The following DOCK1 variants were observed in gnomAD, a reference collection of about 807,000 sequenced individuals.
DOCK1 encodes the protein dedicator of cytokinesis protein 1.
Under a neutral mutation model 262.7 loss-of-function variants are expected in DOCK1, and 138 were observed. The ratio of observed to expected loss-of-function variants is 0.53; its 90% CI spans 0.46 to 0.61. The LOEUF is 0.61. Among genes scored for constraint, DOCK1 ranks in the 20% least tolerant of loss-of-function variants. The pLI is 0.00. For synonymous variants in DOCK1, 866 were observed against 867.4 expected (o/e 1.00, Z 0.03); for missense variants, 1,908 against 2,370.7 (o/e 0.80, Z 4.05).
chr10:126,920,400 A>T (rs1423005874), intron 1 of DOCK1, among the ~76,000 whole-genome samples: 2 of 152,176 alleles, frequency 1.3e-5, no homozygotes, highest in Non-Finnish European at 2.9e-5. Flanking sequence ...TTTTGAAGGG[A>T]GATTGTGCTT....
intron 25 of DOCK1, among the ~76,000 whole-genome samples, chr10:127,118,209 T>G (rs1053581763): frequency 1.3e-5 from 2 of 152,164 alleles, no homozygotes; most frequent in Admixed American, 1.3e-4. Context: ...GACAGCCCTG[T>G]AAATTCTTTC....
At chr10:126,975,798 A>G (rs934323323) in intron 2 of DOCK1, among the ~76,000 whole-genome samples, 1 of 134,794 alleles carries the variant, frequency 7.4e-6, no homozygotes, top group Non-Finnish European at 1.6e-5. Context: ...TTTTTTTTTT[A>G]GTAGAGACGG....
chr10:127,288,564 A>G (rs557253282), intron 29 of DOCK1, among the ~76,000 whole-genome samples: 2 of 152,116 alleles, frequency 1.3e-5, no homozygotes, highest in South Asian at 4.2e-4. Flanking sequence ...AATTCATACT[A>G]TATTTGCATT....
chr10:126,990,714 A>C (rs2039729403), intron 6 of DOCK1, 111 bp downstream of exon 6: 1 of 1,279,664 alleles, frequency 7.8e-7, no homozygotes, highest in South Asian at 1.6e-5. Context: ...AATTTCTACC[A>C]TCAAAGTAAT....
At chr10:126,960,743 T>TATATATATATATAC (rs2037132748) in intron 1 of DOCK1, among the ~76,000 whole-genome samples, 1 of 127,538 alleles carries the variant, frequency 7.8e-6, no homozygotes, top group African/African-American at 3.1e-5. Context: ...TATATATATA[T>TATATATATATATAC]ATACACACAC....
chr10:127,037,411 G>A (rs1364474664), intron 18 of DOCK1, among the ~76,000 whole-genome samples: 1 of 152,218 alleles, frequency 6.6e-6, no homozygotes, highest in South Asian at 2.1e-4. Flanking sequence ...CAGGCCTTGT[G>A]GTGCTCTGAA....
chr10:127,429,996 C>T (rs2069172306), intron 47 of DOCK1, among the ~76,000 whole-genome samples: 1 of 152,210 alleles, frequency 6.6e-6, no homozygotes, highest in South Asian at 2.1e-4. Context: ...CTCTCTACTC[C>T]CATCCACCTC....
At chr10:127,354,787 CT>C (rs2064058379) in intron 32 of DOCK1, 60 bp downstream of exon 32, 1 of 1,601,356 alleles carries the variant, frequency 6.2e-7, no homozygotes, top group Non-Finnish European at 8.6e-7. Flanking sequence ...GGTCATGGCA[CT>C]GGCCGTGTTC....
chr10:126,997,989 T>G, intron 7 of DOCK1, 103 bp from the exon 8 acceptor site: 2 of 1,452,148 alleles, frequency 1.4e-6, no homozygotes, highest in Non-Finnish European at 1.9e-6. Context: ...TGCTGGGTTA[T>G]GCCAATGAGT....
intron 10 of DOCK1, among the ~76,000 whole-genome samples, chr10:127,003,004 G>A (rs1019574977): frequency 6.6e-6 from 1 of 152,248 alleles, no homozygotes; most frequent in African/African-American, 2.4e-5. Context: ...CCTCACTTAG[G>A]GGTTGCAAAG....
In DOCK1 at chr10:127,018,768, T is replaced by C. The variant is rs578126253; in HGVS notation, c.1260T>C (p.Phe420=). Residue 420 remains phenylalanine (F), a synonymous_variant, in exon 13 of 52, where the codon TTT becomes TTC. Transcript: ENST00000623213. ...ATATCCATCAGATCCGAAAAGAGTT[T>C]CCGCATTTAGTGGACAGGACCACAG... ...PGDIHQIRKE[F]PHLVDRTTAV... is the part of the protein sequence containing the mutation. The C allele has an allele frequency of 1.2e-4, 194 of 1,614,034 alleles. 1 individual carries two copies. In the South Asian group the frequency reaches 2.1e-3, roughly 17 times the overall value.
intron 27 of DOCK1, among the ~76,000 whole-genome samples, chr10:127,141,427 G>C (rs2133290576): frequency 6.6e-6 from 1 of 152,250 alleles, no homozygotes; most frequent in South Asian, 2.1e-4. Flanking sequence ...TTCTGGCCAG[G>C]CACGGTGGCT....
intron 27 of DOCK1, among the ~76,000 whole-genome samples, chr10:127,131,675 C>CATT (rs1554891630): frequency 6.6e-6 from 1 of 151,770 alleles, no homozygotes. Context: ...TTTTTAAAGT[C>CATT]GTTGCTCTGT....
chr10:127,366,676 T>TG (rs56027858), intron 33 of DOCK1, among the ~76,000 whole-genome samples: 57,941 of 152,038 alleles, frequency 0.38, 11,122 homozygotes, highest in Middle Eastern at 0.46. Context: ...TTGTCGGTGA[T>TG]GTGGGCGAAT....
intron 1 of DOCK1, among the ~76,000 whole-genome samples, chr10:126,940,548 C>T (rs992018918): frequency 8.5e-5 from 13 of 152,072 alleles, no homozygotes; most frequent in East Asian, 1.9e-4. Context: ...GGATTACAGG[C>T]GCCTGCCACC....
chr10:127,209,102 C>G (rs138704186), intron 27 of DOCK1, among the ~76,000 whole-genome samples: 3 of 152,262 alleles, frequency 2.0e-5, no homozygotes, highest in Non-Finnish European at 4.4e-5. Context: ...ACTGGAAACA[C>G]TGAAATTTAT....
At chr10:126,921,060 C>T (rs555820182) in intron 1 of DOCK1, among the ~76,000 whole-genome samples, 3 of 151,952 alleles carry the variant, frequency 2.0e-5, no homozygotes, top group Admixed American at 6.6e-5. Flanking sequence ...ATTAGTTGGG[C>T]GTGGTGGTTC....
chr10:127,145,899 C>T (rs770813048), intron 27 of DOCK1: 11 of 467,206 alleles, frequency 2.4e-5, no homozygotes, highest in African/African-American at 1.2e-4. Flanking sequence ...CCGGTCTAAA[C>T]GTCAGCCTGT....
At chr10:127,081,076 G>A (rs1351452626) in intron 23 of DOCK1, among the ~76,000 whole-genome samples, 1 of 152,146 alleles carries the variant, frequency 6.6e-6, no homozygotes, top group African/African-American at 2.4e-5. Context: ...TATTTTCAGA[G>A]ACTGTAAGAC....
Sources: allele counts gnomAD v4.1 joint callset (sites outside exome capture counted in the v4.1 genomes callset), GRCh38; gene constraint gnomAD v4.1.1; transcripts MANE v1.5; gene names NCBI Gene and HGNC (gene_info 2026-07-23, HGNC 2026-07-21).